The following ANO4 variants were observed in gnomAD, a reference collection of about 807,000 sequenced individuals.
The protein encoded by ANO4 is anoctamin 4, also known as anoctamin-4.
Under a neutral mutation model 141.9 loss-of-function variants are expected in ANO4, and 69 were observed. The observed-to-expected ratio is 0.49, with a 90% CI of 0.40 to 0.59. ANO4 has a LOEUF of 0.59. Ranked by LOEUF, ANO4 falls within the 20% of genes least tolerant of loss-of-function variation. The pLI is 0.00. For missense variants in ANO4, 894 were observed against 1,162.2 expected (o/e 0.77, Z 3.36); for synonymous variants, 350 against 394.3 (o/e 0.89, Z 1.33).
intron 2 of ANO4, among the ~76,000 whole-genome samples, chr12:100,908,174 AC>A (rs2040931359): frequency 6.6e-6 from 1 of 152,146 alleles, no homozygotes; most frequent in East Asian, 1.9e-4. Flanking sequence ...AGGTGGAGAA[AC>A]CCTCTCTCTA....
At chr12:101,045,413 C>T (rs866182286) in intron 13 of ANO4, among the ~76,000 whole-genome samples, 1 of 152,152 alleles carries the variant, frequency 6.6e-6, no homozygotes, top group Non-Finnish European at 1.5e-5. Context: ...AACATTTGGC[C>T]TTGCCTAGAA....
At position 100,939,374 on chromosome 12, in the gene ANO4, G is replaced by A; in HGVS notation, c.220G>A (p.Asp74Asn). 6.2e-7 allele frequency: 1 copy of A among 1,613,760 alleles called. No homozygotes were observed. The highest frequency in any genetic ancestry group is 8.5e-7 in the Non-Finnish European group (1 of 1,179,728). ...ELEAVSSPCK[D>N]DDSLLHPGNL... ...AGAAGCTGTCAGCAGTCCTTGCAAA[G>A]ATGACGATTCTCTTCTTCACCCTGG... Residue 74 changes from aspartate (D) to asparagine (N), a missense_variant, in exon 4 of 28, where the codon GAT becomes AAT. By Grantham distance (23) the Asp-to-Asn change is conservative. Coordinates refer to ENST00000392977, the MANE Select transcript of ANO4 (RefSeq NM_001286615.2).
intron 18 of ANO4, among the ~76,000 whole-genome samples, chr12:101,094,676 G>A (rs2049910076): frequency 6.6e-6 from 1 of 152,106 alleles, no homozygotes; most frequent in Non-Finnish European, 1.5e-5. Flanking sequence ...TAAACTCACA[G>A]CAAAGTTAGT....
At chr12:101,025,760 A>C (rs1484785456) in intron 9 of ANO4, among the ~76,000 whole-genome samples, 1 of 152,230 alleles carries the variant, frequency 6.6e-6, no homozygotes, top group African/African-American at 2.4e-5. Flanking sequence ...CTGGACTGCA[A>C]GGTTGGCTTA....
At chr12:100,822,184 G>T (rs1291756382) in intron 1 of ANO4, among the ~76,000 whole-genome samples, 1 of 151,930 alleles carries the variant, frequency 6.6e-6, no homozygotes, top group Non-Finnish European at 1.5e-5. Context: ...ACCTAAACAA[G>T]GCAAATAAAG....
chr12:100,810,457 G>A (rs992529217), intron 1 of ANO4, among the ~76,000 whole-genome samples: 2 of 152,108 alleles, frequency 1.3e-5, no homozygotes, highest in Admixed American at 6.6e-5. Flanking sequence ...TTTTCATACG[G>A]CAGTAGCATG....
intron 7 of ANO4, among the ~76,000 whole-genome samples, chr12:100,979,251 T>C (rs2136300570): frequency 6.6e-6 from 1 of 152,248 alleles, no homozygotes; most frequent in East Asian, 1.9e-4. Context: ...GTTTCAGTAA[T>C]CTCTGTGACA....
chr12:100,720,024 T>C (rs1401715302), intron 1 of ANO4, among the ~76,000 whole-genome samples: 1 of 152,238 alleles, frequency 6.6e-6, no homozygotes, highest in Non-Finnish European at 1.5e-5. Flanking sequence ...ACCACTGACA[T>C]TTATTTTCTT....
intron 3 of ANO4, among the ~76,000 whole-genome samples, chr12:100,740,293 T>C (rs1021939469): frequency 2.6e-5 from 4 of 152,042 alleles, no homozygotes; most frequent in African/African-American, 9.7e-5. Flanking sequence ...TCCAGGCTGG[T>C]ATCGAACTCC....
intron 14 of ANO4, chr12:101,067,083 G>T (rs1407157964): frequency 2.4e-6 from 1 of 410,484 alleles, no homozygotes. Flanking sequence ...AGTTCTTTCT[G>T]CCTTGCTATT....
intron 5 of ANO4, among the ~76,000 whole-genome samples, chr12:100,966,318 C>T (rs541096123): frequency 6.6e-6 from 1 of 152,274 alleles, no homozygotes; most frequent in Admixed American, 6.5e-5. Flanking sequence ...ATATGCATTG[C>T]TATCATTTCC....
chr12:100,909,922 A>G (rs2041025724), intron 2 of ANO4, among the ~76,000 whole-genome samples: 1 of 152,224 alleles, frequency 6.6e-6, no homozygotes, highest in South Asian at 2.1e-4. Context: ...GTTCCCAATT[A>G]AATTTAAATT....
intron 18 of ANO4, among the ~76,000 whole-genome samples, chr12:101,095,692 C>A (rs182369885): frequency 2.0e-5 from 3 of 152,146 alleles, no homozygotes; most frequent in African/African-American, 7.2e-5. Context: ...AGAAATCAGA[C>A]ACTCAGGGAA....
At chr12:100,827,736 A>T (rs562313075) in intron 1 of ANO4, among the ~76,000 whole-genome samples, 1 of 152,032 alleles carries the variant, frequency 6.6e-6, no homozygotes, top group East Asian at 1.9e-4. Flanking sequence ...TGCTTGATTT[A>T]TGGTTAGGAT....
At chr12:100,875,860 G>T (rs1397184023) in intron 1 of ANO4, among the ~76,000 whole-genome samples, 2 of 152,110 alleles carry the variant, frequency 1.3e-5, no homozygotes, top group East Asian at 3.9e-4. Flanking sequence ...TTTGTGGGTT[G>T]GGGGGTGGGG....
At chr12:100,858,169 CTG>C (rs1458805773) in intron 1 of ANO4, among the ~76,000 whole-genome samples, 1 of 151,686 alleles carries the variant, frequency 6.6e-6, no homozygotes, top group African/African-American at 2.4e-5. Context: ...GATTTCATCA[CTG>C]TGGGTACATG....
intron 5 of ANO4, among the ~76,000 whole-genome samples, chr12:100,959,609 C>T (rs1182781822): frequency 6.6e-6 from 1 of 152,142 alleles, no homozygotes; most frequent in African/African-American, 2.4e-5. Context: ...GCAGTCATGC[C>T]GTCTCTGTTA....
Position 101,042,383 on chromosome 12 carries a change from T to C in ANO4, c.1069T>C (p.Tyr357His). ...GTTATATTTTGCCTGGTTGGGCTGG[T>C]ACACCGGCATGCTCTTCCCAGCTGC... ...IGLYFAWLGW[Y>H]TGMLFPAAFI... is the part of the protein sequence containing the mutation. Residue 357 changes from tyrosine (Y) to histidine (H), a missense_variant, in exon 12 of 28, where the codon TAC (tyrosine) becomes CAC (histidine). This residue lies in a region of ANO4 where 637 missense variants were observed against 909.2 expected (regional missense o/e 0.70). Coordinates refer to ENST00000392977, the MANE Select transcript of ANO4 (RefSeq NM_001286615.2). 1.9e-6 allele frequency: 3 copies of C among 1,614,180 alleles called. No homozygotes were observed. The highest frequency in any genetic ancestry group is 2.5e-6 in the Non-Finnish European group (3 of 1,180,006).
At chr12:100,963,459 T>G (rs752340284) in intron 5 of ANO4, among the ~76,000 whole-genome samples, 10 of 152,056 alleles carry the variant, frequency 6.6e-5, no homozygotes, top group Non-Finnish European at 7.4e-5. Context: ...TTCAAGAGGC[T>G]TCTCTCCACC....
Sources: allele counts gnomAD v4.1 joint callset (sites outside exome capture counted in the v4.1 genomes callset), GRCh38; gene constraint gnomAD v4.1.1; regional missense constraint gnomAD v4.1.1; transcripts MANE v1.5; gene names NCBI Gene and HGNC (gene_info 2026-07-23, HGNC 2026-07-21).